The following LDLRAP1 variants were observed in gnomAD, a reference collection of about 807,000 sequenced individuals.
LDLRAP1 encodes the protein low density lipoprotein receptor adaptor protein 1, also known as low density lipoprotein receptor adapter protein 1.
A neutral mutation model predicts 37.8 loss-of-function variants in LDLRAP1; 30 were observed. The ratio of observed to expected loss-of-function variants is 0.79; its 90% CI spans 0.59 to 1.08. The LOEUF (loss-of-function observed/expected upper bound fraction) is 1.08, where lower values mean the gene tolerates loss of function less well. Ranked by LOEUF, LDLRAP1 falls within the 50% of genes least tolerant of loss-of-function variation. The pLI is 0.00. For synonymous variants in LDLRAP1, 156 were observed against 169.8 expected (o/e 0.92, Z 0.63); for missense variants, 375 against 401.6 (o/e 0.93, Z 0.57).
intron 1 of LDLRAP1, among the ~76,000 whole-genome samples, chr1:25,546,095 G>A (rs1234058466): frequency 3.9e-5 from 6 of 152,158 alleles, no homozygotes; most frequent in Non-Finnish European, 5.9e-5. Flanking sequence ...ACCCCACGCT[G>A]GGCTGGCAGC....
At chr1:25,581,177 G>A in the LDLRAP1 span, among the ~76,000 whole-genome samples, 285 of 152,298 alleles carry the variant, frequency 1.9e-3, no homozygotes, top group African/African-American at 6.5e-3. Context: ...TCTCTGCCGG[G>A]CCTCAGCACA....
rs1416471297 is a variant in LDLRAP1, at chr1:25,567,141, A to C, written c.*149A>C. 14 of 965,344 alleles carry C rather than the reference A, an allele frequency of 1.5e-5. No individual in the cohort carries two copies. Among genetic ancestry groups the C allele is most frequent in the Non-Finnish European group, 2.2e-5 (14 of 630,690 alleles). 59.8% of individuals were successfully genotyped at this position (965,344 alleles called of 1,614,324 possible). ...AGATCAGAGCTGCAGCCAGTCAGGC[A>C]GGGGAGAGATTTTTCTTTTAAGCCC... is the stretch of plus-strand genomic sequence containing the variant. On this transcript the variant is annotated 3_prime_UTR_variant, in exon 9 of 9. Coordinates refer to ENST00000374338, the MANE Select transcript of LDLRAP1 (RefSeq NM_015627.3).
intron 1 of LDLRAP1, among the ~76,000 whole-genome samples, chr1:25,546,025 G>C (rs542087132): frequency 6.6e-6 from 1 of 152,276 alleles, no homozygotes; most frequent in African/African-American, 2.4e-5. Flanking sequence ...CTAGCGCAGG[G>C]GTCTTACCAG....
Position 25,543,736 on chromosome 1 carries a change from G to T in LDLRAP1, c.38G>T (p.Arg13Leu), listed in dbSNP as rs2043857912. The part of the protein sequence containing the change: ...ALKSAGRALI[R>L]SPSLAKQSWG... ...AAGTCGGCGGGGCGGGCGCTGATCC[G>T]GAGCCCCAGCTTGGCCAAGCAGAGC... The change falls in exon 1 of 9, where the codon CGG becomes CTG. Residue 13 changes from arginine to leucine, a missense_variant. By Grantham distance (102) the Arg-to-Leu change is moderately radical. Transcript: ENST00000374338. 1.6e-6 allele frequency: 2 copies of T among 1,212,954 alleles called. No homozygotes were observed. The highest frequency in any genetic ancestry group is 2.0e-6 in the Non-Finnish European group (2 of 975,872). The allele number at this position is 1,212,954 out of a possible 1,614,324, so 75.1% of individuals were successfully genotyped here.
the LDLRAP1 span, among the ~76,000 whole-genome samples, chr1:25,585,754 C>T: frequency 3.9e-5 from 6 of 152,326 alleles, no homozygotes; most frequent in South Asian, 1.2e-3. Context: ...CCCCTTCTCC[C>T]TTTCTACTGC....
chr1:25,577,214 A>C, the LDLRAP1 span, among the ~76,000 whole-genome samples: 7 of 152,298 alleles, frequency 4.6e-5, no homozygotes, highest in Non-Finnish European at 1.0e-4. Flanking sequence ...TTAGAATCTT[A>C]ATAAAAGAGT....
rs923147127 is a variant in LDLRAP1, at chr1:25,544,286, C to G, written c.88+500C>G. On this transcript the variant is annotated intron_variant, in intron 1 of 8. Coordinates refer to ENST00000374338, the MANE Select transcript of LDLRAP1 (RefSeq NM_015627.3). This position sits in a 1 kb window ranked among gnomAD's most constrained non-coding sequence, Gnocchi z 4.8. ...CCGCCCCCTGCCCGACCCACCGGGC[C>G]AACTTTTGACTCCGGGTGCCCAGAC... Among the ~76,000 whole-genome samples, 1 of 152,188 alleles carries G rather than the reference C, an allele frequency of 6.6e-6. No homozygotes were observed. The highest frequency in any genetic ancestry group is 2.4e-5 in the African/African-American group (1 of 41,460).
chr1:25,578,151 CCT>C, the LDLRAP1 span, among the ~76,000 whole-genome samples: 104,180 of 151,352 alleles, frequency 0.69, 37,086 homozygotes, highest in Non-Finnish European at 0.8. Flanking sequence ...AGAGTTATTT[CCT>C]CTCTCTCTCT....
At chr1:25,552,932 T>C (rs2044108122) in intron 1 of LDLRAP1, among the ~76,000 whole-genome samples, 2 of 152,194 alleles carry the variant, frequency 1.3e-5, no homozygotes, top group Admixed American at 1.3e-4. Context: ...GAGGGGGGAA[T>C]GTTAGTCCCA....
At chr1:25,578,453 A>T in the LDLRAP1 span, among the ~76,000 whole-genome samples, 1 of 152,256 alleles carries the variant, frequency 6.6e-6, no homozygotes, top group East Asian at 1.9e-4. Flanking sequence ...CATCATCACT[A>T]ACCCCGTTAG....
At chr1:25,546,092 G>A (rs527612622) in intron 1 of LDLRAP1, among the ~76,000 whole-genome samples, 52 of 152,254 alleles carry the variant, frequency 3.4e-4, no homozygotes, top group African/African-American at 7.0e-4. Context: ...CCTACCCCAC[G>A]CTGGGCTGGC....
rs1466331173 is a variant in LDLRAP1 at position 25,553,952 on chromosome 1, A to G, written c.119A>G (p.Glu40Gly). The G allele has an allele frequency of 6.2e-7, 1 of 1,613,944 alleles. No individual in the cohort carries two copies. The highest frequency in any genetic ancestry group is 1.1e-5 in the South Asian group (1 of 91,068). The change falls in exon 2 of 9, where the codon GAG becomes GGG. Residue 40 changes from glutamate (E) to glycine (G), a missense_variant. Coordinates refer to ENST00000374338, the MANE Select transcript of LDLRAP1 (RefSeq NM_015627.3). ...KLPENWTDTR[E>G]TLLEGMLFSL... Reference sequence around the variant, plus strand: ...CCTGAGAACTGGACAGACACGCGGGAGACGCTGCTGGAGGGGATGCTGTTC... The same window carrying G: ...CCTGAGAACTGGACAGACACGCGGGGGACGCTGCTGGAGGGGATGCTGTTC...
the LDLRAP1 span, among the ~76,000 whole-genome samples, chr1:25,589,304 A>AAGAAAGAAAGAAAGAAAGAAAG: frequency 2.0e-5 from 3 of 148,932 alleles, no homozygotes; most frequent in Admixed American, 6.8e-5. Context: ...ACTCCATCTC[A>AAGAAAGAAAGAAAGAAAGAAAG]AAAGAAAGAA....
the LDLRAP1 span, chr1:25,590,323 A>G: frequency 1.3e-5 from 2 of 152,246 alleles, no homozygotes; most frequent in African/African-American, 2.4e-5. Context: ...CAGCTCTGCT[A>G]AACTACCACA....
chr1:25,556,033 A>T lies in LDLRAP1; in HGVS notation c.344+1061A>T, dbSNP rs148263293. Among the ~76,000 whole-genome samples the T allele has an allele frequency of 2.8e-3, 420 of 152,162 alleles. 6 individuals are homozygous for T. The highest frequency in any genetic ancestry group is 9.7e-3 in the African/African-American group (403 of 41,524). ...AGGATCTAGTTTGTTGTTACCAAGG[A>T]CCCAGTAACATTTAGAGCAGGAAGC... On this transcript the variant is annotated intron_variant, in intron 3 of 8. Transcript: ENST00000374338.
Position 25,544,952 on chromosome 1 carries a change from C to T in LDLRAP1, c.88+1166C>T, listed in dbSNP as rs1421055812. On this transcript the variant is annotated intron_variant, in intron 1 of 8. Coordinates refer to ENST00000374338, the MANE Select transcript of LDLRAP1 (RefSeq NM_015627.3). The surrounding 1 kb of genome is among the most constrained non-coding windows in gnomAD (Gnocchi z 4.8). ...GTGTCTGGGCCTAGAGGGCCCGCCT[C>T]CCTCCTCCTCTGGCCCCACTCTGTT... 6.6e-6 allele frequency among the ~76,000 whole-genome samples: 1 copy of T among 152,216 alleles called. No individual in the cohort carries two copies. The highest frequency in any genetic ancestry group is 1.9e-4 in the East Asian group (1 of 5,188).
chr1:25,557,984 C>T (rs2044250038), intron 4 of LDLRAP1, among the ~76,000 whole-genome samples: 1 of 152,014 alleles, frequency 6.6e-6, no homozygotes, highest in South Asian at 2.1e-4. Context: ...CGTTTCTTCC[C>T]CTCCCTGCGT....
At chr1:25,588,492 T>C in the LDLRAP1 span, among the ~76,000 whole-genome samples, 7 of 152,226 alleles carry the variant, frequency 4.6e-5, no homozygotes, top group Non-Finnish European at 8.8e-5. Context: ...GATGTTTATG[T>C]GTATGCATAT....
chr1:25,572,620 C>G (rs1039885855), downstream of LDLRAP1, among the ~76,000 whole-genome samples: 1 of 152,126 alleles, frequency 6.6e-6, no homozygotes, highest in Non-Finnish European at 1.5e-5. Context: ...AGGACTTGCC[C>G]GGGACTCACA....
Sources: allele counts gnomAD v4.1 joint callset (sites outside exome capture counted in the v4.1 genomes callset), GRCh38; gene constraint gnomAD v4.1.1; non-coding constraint Gnocchi (gnomAD v3.1); transcripts MANE v1.5; gene names NCBI Gene and HGNC (gene_info 2026-07-23, HGNC 2026-07-21).